PDE1A: variants seen among roughly 807,000 people sequenced by gnomAD.
PDE1A encodes dual specificity calcium/calmodulin-dependent 3',5'-cyclic nucleotide phosphodiesterase 1A.
Under a neutral mutation model 61.7 loss-of-function variants are expected in PDE1A, and 35 were observed. The observed-to-expected ratio is 0.57, with a 90% CI of 0.43 to 0.75. The LOEUF is 0.75. Ranked by LOEUF, PDE1A falls within the 30% of genes least tolerant of loss-of-function variation. The pLI, the probability that PDE1A is intolerant of heterozygous loss-of-function variation, is 0.00. For missense variants in PDE1A, 597 were observed against 630.6 expected (o/e 0.95, Z 0.57); for synonymous variants, 232 against 213.2 (o/e 1.09, Z -0.77).
intron 1 of PDE1A, among the ~76,000 whole-genome samples, chr2:182,289,075 G>C (rs780826463): frequency 6.7e-6 from 1 of 148,768 alleles, no homozygotes; most frequent in Non-Finnish European, 1.5e-5. Context: ...ATTCTTTAGA[G>C]TTCCCTGGAC....
intron 5 of PDE1A, among the ~76,000 whole-genome samples, chr2:182,230,419 A>AATTCC (rs2125640710): frequency 6.6e-6 from 1 of 152,302 alleles, no homozygotes; most frequent in East Asian, 1.9e-4. Flanking sequence ...TCCGGAGAGT[A>AATTCC]GGAAGGCTAA....
intron 2 of PDE1A, among the ~76,000 whole-genome samples, chr2:182,492,978 T>C (rs1688484770): frequency 7.9e-6 from 1 of 126,736 alleles, no homozygotes; most frequent in African/African-American, 3.1e-5. Context: ...TGTACAATTA[T>C]GGTGGCAAAA....
intron 1 of PDE1A, among the ~76,000 whole-genome samples, chr2:182,273,594 GAA>G (rs1417918349): frequency 2.6e-5 from 4 of 152,050 alleles, no homozygotes; most frequent in Non-Finnish European, 5.9e-5. Flanking sequence ...AGTGAAAAGA[GAA>G]AGAGAAATAT....
At chr2:182,681,303 A>T in the PDE1A span, among the ~76,000 whole-genome samples, 1 of 143,002 alleles carries the variant, frequency 7.0e-6, no homozygotes, top group Non-Finnish European at 1.5e-5. Flanking sequence ...TTCTTTTATA[A>T]TTATTTAATT....
At chr2:182,540,262 C>A in the PDE1A span, among the ~76,000 whole-genome samples, 1 of 150,994 alleles carries the variant, frequency 6.6e-6, no homozygotes, top group Admixed American at 6.6e-5. Flanking sequence ...TACTCGGGAG[C>A]CTGAGGCAGG....
At chr2:182,297,286 GA>G (rs71008219) in intron 1 of PDE1A, among the ~76,000 whole-genome samples, 135,262 of 151,102 alleles carry the variant, frequency 0.9, 60,641 homozygotes, top group African/African-American at 0.94. Flanking sequence ...TCCCATTAGT[GA>G]AAAAAAAAAA....
chr2:182,465,859 G>A (rs557194976), intron 2 of PDE1A, among the ~76,000 whole-genome samples: 33 of 152,054 alleles, frequency 2.2e-4, no homozygotes, highest in Non-Finnish European at 4.9e-4. Flanking sequence ...ATGAGAACAT[G>A]TCAATTCATT....
At chr2:182,364,712 A>C (rs556821984) in intron 1 of PDE1A, among the ~76,000 whole-genome samples, 1 of 151,992 alleles carries the variant, frequency 6.6e-6, no homozygotes, top group East Asian at 1.9e-4. Context: ...TTAAGATTTT[A>C]TAATTTTTAA....
chr2:182,331,383 T>A, intron 1 of PDE1A, among the ~76,000 whole-genome samples: 1 of 152,254 alleles, frequency 6.6e-6, no homozygotes, highest in East Asian at 1.9e-4. Flanking sequence ...GTGAATTTGA[T>A]CCTATCATTA....
At chr2:182,566,451 AT>A in the PDE1A span, among the ~76,000 whole-genome samples, 1 of 151,730 alleles carries the variant, frequency 6.6e-6, no homozygotes, top group Admixed American at 6.6e-5. Flanking sequence ...GATTTCAGCA[AT>A]TTTACATTCC....
the PDE1A span, among the ~76,000 whole-genome samples, chr2:182,607,295 T>C: frequency 1.3e-5 from 2 of 152,346 alleles, no homozygotes; most frequent in African/African-American, 2.4e-5. Context: ...CCAATTTCTA[T>C]GTTTATTCAA....
At chr2:182,466,295 TA>T (rs975582221) in intron 2 of PDE1A, among the ~76,000 whole-genome samples, 1 of 152,024 alleles carries the variant, frequency 6.6e-6, no homozygotes, top group African/African-American at 2.4e-5. Flanking sequence ...CCCAGGAACC[TA>T]AAAGGCATCC....
chr2:182,264,382 C>T (rs1692452298), exon 2 of PDE1A: 2 of 1,613,450 alleles, frequency 1.2e-6, no homozygotes, highest in African/African-American at 1.3e-5. Context: ...GTTAACATCA[C>T]CTCTTTCCAG....
chr2:182,152,696 C>T (rs1372516560), intron 13 of PDE1A, among the ~76,000 whole-genome samples: 1 of 152,154 alleles, frequency 6.6e-6, no homozygotes, highest in African/African-American at 2.4e-5. Flanking sequence ...GCTGGGATTA[C>T]AGGTGTGAGC....
At chr2:182,385,384 AG>A (rs1700970815) in intron 1 of PDE1A, among the ~76,000 whole-genome samples, 2 of 152,266 alleles carry the variant, frequency 1.3e-5, no homozygotes, top group South Asian at 4.1e-4. Flanking sequence ...AAATATAAAA[AG>A]ATGGAAATTA....
At chr2:182,335,265 A>G (rs1015796850) in intron 1 of PDE1A, among the ~76,000 whole-genome samples, 2 of 152,184 alleles carry the variant, frequency 1.3e-5, no homozygotes, top group Non-Finnish European at 2.9e-5. Context: ...AGAAAAAATG[A>G]CTTTAAATTT....
exon 14 of PDE1A, chr2:182,168,267 A>T: frequency 1.9e-6 from 3 of 1,596,004 alleles, no homozygotes; most frequent in Non-Finnish European, 2.6e-6. Context: ...ATAAACTCAC[A>T]CTTCTGTGAA....
chr2:182,257,664 T>A (rs1166917411), intron 2 of PDE1A, among the ~76,000 whole-genome samples: 1 of 152,148 alleles, frequency 6.6e-6, no homozygotes, highest in East Asian at 1.9e-4. Context: ...AACATAGGGG[T>A]TGATCCTTAG....
rs187687145 is a variant in PDE1A, at chr2:182,267,788, T to C, written c.54-3374A>G. Among the ~76,000 whole-genome samples the C allele has an allele frequency of 2.3e-3, 346 of 152,212 alleles. 1 individual carries two copies. Among genetic ancestry groups the C allele is most frequent in the Non-Finnish European group, 4.4e-3 (296 of 68,002 alleles). ...TTCGGCTATTATTTTACTTTCTTCC[T>C]AGATAATACAAGGTCAAACATCTTC... On this transcript the variant is annotated intron_variant, in intron 1 of 13. Coordinates refer to ENST00000351439, the Ensembl canonical transcript of PDE1A.
Sources: gnomAD v4.1 joint callset for allele counts (sites outside exome capture counted in the v4.1 genomes callset) on GRCh38, gnomAD v4.1.1 for gene constraint, MANE v1.5 for transcripts, NCBI Gene and HGNC (gene_info 2026-07-23, HGNC 2026-07-21) for gene names.